Variants in EFNA5 observed in about 807,000 individuals in gnomAD.
EFNA5 encodes ephrin-A5.
In EFNA5, 5 loss-of-function variants were observed where a neutral mutation model predicts 22.9. The observed-to-expected ratio is 0.22, with a 90% CI of 0.11 to 0.46. The LOEUF is 0.46. EFNA5 is among the 20% of genes least tolerant of loss of function. The probability of loss-of-function intolerance (pLI) is 0.99; values close to 1 mark genes in which losing one functional copy is unlikely to be tolerated. For missense variants in EFNA5, 237 were observed against 293.3 expected, an observed-to-expected ratio of 0.81 and a Z score of 1.40; for synonymous variants, 113 against 112.2, an observed-to-expected ratio of 1.01 and a Z score of -0.04.
At chr5:107,469,649 C>G (rs1429116944) in intron 1 of EFNA5, among the ~76,000 whole-genome samples, 1 of 151,676 alleles carries the variant, frequency 6.6e-6, no homozygotes, top group Non-Finnish European at 1.5e-5. Flanking sequence ...GAAGTTACTG[C>G]CCCCCCTTTA....
chr5:107,403,730 A>C (rs557664214), intron 2 of EFNA5, among the ~76,000 whole-genome samples: 18 of 152,224 alleles, frequency 1.2e-4, no homozygotes, highest in Non-Finnish European at 2.4e-4. Flanking sequence ...GAGATTTTTC[A>C]AAGGTTATTC....
chr5:107,465,289 A>G (rs537094033), intron 1 of EFNA5, among the ~76,000 whole-genome samples: 112 of 152,254 alleles, frequency 7.4e-4, no homozygotes, highest in Non-Finnish European at 1.3e-3. Flanking sequence ...TTAAGCCTCT[A>G]AAGATAATGG....
chr5:107,468,198 G>C lies in EFNA5; in HGVS notation c.126-40689C>G, dbSNP rs1014916316. On this transcript the variant is annotated intron_variant, in intron 1 of 4. Coordinates refer to ENST00000333274, the MANE Select transcript of EFNA5 (RefSeq NM_001962.3). ...TGGGAAGAAATCTTGACTGCCCTTT[G>C]TTTTGTCAGAAGGAAAGTTTATCAC... Among the ~76,000 whole-genome samples the C allele has an allele frequency of 2.0e-5, 3 of 152,238 alleles. No individual in the cohort carries two copies. In the South Asian group the frequency reaches 6.2e-4, roughly 32 times the overall value.
At chr5:107,476,355 G>T (rs1391912835) in intron 1 of EFNA5, among the ~76,000 whole-genome samples, 1 of 151,678 alleles carries the variant, frequency 6.6e-6, no homozygotes, top group Non-Finnish European at 1.5e-5. Flanking sequence ...GCCCAGTCAA[G>T]AACTATATTC....
At chr5:107,612,711 C>T (rs898777809) in intron 1 of EFNA5, among the ~76,000 whole-genome samples, 3 of 152,004 alleles carry the variant, frequency 2.0e-5, no homozygotes, top group African/African-American at 7.2e-5. Flanking sequence ...AGCAGCTCTC[C>T]AATATAAAGA....
intron 1 of EFNA5, among the ~76,000 whole-genome samples, chr5:107,452,708 G>C (rs1161958905): frequency 6.6e-6 from 1 of 152,126 alleles, no homozygotes; most frequent in African/African-American, 2.4e-5. Context: ...TCCAGCCTGG[G>C]CTCAGAATGA....
chr5:107,496,969 G>A (rs1217092960), intron 1 of EFNA5, among the ~76,000 whole-genome samples: 2 of 152,192 alleles, frequency 1.3e-5, no homozygotes, highest in African/African-American at 2.4e-5. Flanking sequence ...ATGTCCCCTG[G>A]ACTCCTTTGG....
chr5:107,452,848 A>G (rs1023670010), intron 1 of EFNA5, among the ~76,000 whole-genome samples: 3 of 152,222 alleles, frequency 2.0e-5, no homozygotes, highest in Non-Finnish European at 2.9e-5. Flanking sequence ...AGGAAAACTC[A>G]TATATGTACA....
chr5:107,605,539 C>T (rs895033931), intron 1 of EFNA5, among the ~76,000 whole-genome samples: 5 of 152,120 alleles, frequency 3.3e-5, no homozygotes, highest in Admixed American at 6.6e-5. Context: ...ATGGTACATC[C>T]TGTTGCTATT....
chr5:107,644,411 T>A (rs1750588429), intron 1 of EFNA5, among the ~76,000 whole-genome samples: 1 of 152,222 alleles, frequency 6.6e-6, no homozygotes, highest in African/African-American at 2.4e-5. Context: ...TTTCAAAAAT[T>A]ATTTATTCAA....
chr5:107,566,000 C>G (rs997284176), intron 1 of EFNA5, among the ~76,000 whole-genome samples: 4 of 152,222 alleles, frequency 2.6e-5, no homozygotes, highest in Non-Finnish European at 5.9e-5. Flanking sequence ...CTCAGGAAGG[C>G]TGGCAGCTGG....
intron 1 of EFNA5, among the ~76,000 whole-genome samples, chr5:107,641,398 T>C (rs1356178112): frequency 6.6e-6 from 1 of 152,108 alleles, no homozygotes; most frequent in African/African-American, 2.4e-5. Flanking sequence ...ACACACATTC[T>C]GGAAACTGCT....
At chr5:107,539,647 C>T (rs900126636) in intron 1 of EFNA5, among the ~76,000 whole-genome samples, 46 of 151,904 alleles carry the variant, frequency 3.0e-4, no homozygotes, top group Admixed American at 3.9e-4. Flanking sequence ...TTAGTAGAGA[C>T]GGGGTTTCAC....
intron 1 of EFNA5, among the ~76,000 whole-genome samples, chr5:107,594,978 A>T (rs1341691986): frequency 6.6e-6 from 1 of 152,176 alleles, no homozygotes; most frequent in Admixed American, 6.5e-5. Flanking sequence ...CTCATATCAG[A>T]TAGTTTAATT....
intron 1 of EFNA5, among the ~76,000 whole-genome samples, chr5:107,484,597 A>T (rs1746535846): frequency 6.6e-6 from 1 of 152,192 alleles, no homozygotes; most frequent in Admixed American, 6.5e-5. Flanking sequence ...ATTGCCCAAG[A>T]TTTTACTCTA....
chr5:107,654,123 GAA>G (rs1750782453), intron 1 of EFNA5, among the ~76,000 whole-genome samples: 1 of 151,660 alleles, frequency 6.6e-6, no homozygotes, highest in Non-Finnish European at 1.5e-5. Context: ...GAGTGACTAG[GAA>G]AAAAAAGTCA....
chr5:107,447,798 T>A (rs950644712), intron 1 of EFNA5, among the ~76,000 whole-genome samples: 3 of 151,894 alleles, frequency 2.0e-5, no homozygotes, highest in African/African-American at 7.3e-5. Flanking sequence ...GAACCTTATT[T>A]TGAAAAAGGA....
At position 107,397,375 on chromosome 5, in the gene EFNA5, C is replaced by T. The variant is rs538968669; in HGVS notation, c.419-9604G>A. ...ACCAGCCTTGCCAAGATGGTGAAAT[C>T]CCACCTCTACTAAAAATACAAAAAT... is the stretch of plus-strand genomic sequence containing the variant. On this transcript the variant is annotated intron_variant, in intron 2 of 4. Transcript: ENST00000333274. 4.9e-4 allele frequency among the ~76,000 whole-genome samples: 75 copies of T among 152,202 alleles called. 1 individual carries two copies. The highest frequency in any genetic ancestry group is 3.4e-3 in the Middle Eastern group (1 of 294).
intron 1 of EFNA5, among the ~76,000 whole-genome samples, chr5:107,516,719 T>C (rs1262166389): frequency 1.1e-4 from 17 of 152,196 alleles, no homozygotes; most frequent in Admixed American, 3.9e-4. Flanking sequence ...ATCTAAACCA[T>C]GTGTGACAGC....
Sources: gnomAD v4.1 joint callset for allele counts (sites outside exome capture counted in the v4.1 genomes callset) on GRCh38, gnomAD v4.1.1 for gene constraint, MANE v1.5 for transcripts, NCBI Gene and HGNC (gene_info 2026-07-23, HGNC 2026-07-21) for gene names.